KCNB2: variants seen among roughly 807,000 people sequenced by gnomAD.
KCNB2 encodes potassium voltage-gated channel subfamily B member 2.
In KCNB2, 15 loss-of-function variants were observed where a neutral mutation model predicts 61.5. The observed-to-expected ratio is 0.24, with a 90% CI of 0.16 to 0.38. KCNB2 has a LOEUF of 0.38. Among genes scored for constraint, KCNB2 ranks in the 10% least tolerant of loss-of-function variants. The pLI, the probability that KCNB2 is intolerant of heterozygous loss-of-function variation, is 1.00. For missense variants in KCNB2, 828 were observed against 1,125.2 expected (o/e 0.74, Z 3.78); for synonymous variants, 457 against 446.0 (o/e 1.02, Z -0.31).
At chr8:72,791,060 A>G (rs1245354022) in intron 2 of KCNB2, among the ~76,000 whole-genome samples, 1 of 152,224 alleles carries the variant, frequency 6.6e-6, no homozygotes, top group African/African-American at 2.4e-5. Flanking sequence ...AAGGATTTGC[A>G]TGTTCAGAGC....
intron 2 of KCNB2, among the ~76,000 whole-genome samples, chr8:72,640,626 T>C (rs1360607251): frequency 6.6e-6 from 1 of 152,074 alleles, no homozygotes; most frequent in African/African-American, 2.4e-5. Flanking sequence ...ATTTTTAAGC[T>C]TTACAAAATC....
intron 2 of KCNB2, among the ~76,000 whole-genome samples, chr8:72,761,163 T>C (rs1413570448): frequency 1.3e-5 from 2 of 152,160 alleles, no homozygotes; most frequent in Non-Finnish European, 2.9e-5. Context: ...AATATCTGAC[T>C]TACATAGTCC....
chr8:72,873,222 G>A (rs1414134418), intron 2 of KCNB2, among the ~76,000 whole-genome samples: 1 of 152,192 alleles, frequency 6.6e-6, no homozygotes, highest in African/African-American at 2.4e-5. Context: ...CTCCACTGTA[G>A]TCATTTCCTC....
chr8:72,783,843 G>C (rs766660668), intron 2 of KCNB2, among the ~76,000 whole-genome samples: 4 of 152,112 alleles, frequency 2.6e-5, no homozygotes, highest in Non-Finnish European at 5.9e-5. Context: ...TCCTGCTTCT[G>C]TGAACATGCC....
intron 2 of KCNB2, among the ~76,000 whole-genome samples, chr8:72,798,990 A>G (rs1421854639): frequency 6.6e-6 from 1 of 152,132 alleles, no homozygotes; most frequent in Non-Finnish European, 1.5e-5. Flanking sequence ...GAGCACCACC[A>G]TCTCTGGGGG....
chr8:72,808,288 TATA>T (rs1443329541), intron 2 of KCNB2, among the ~76,000 whole-genome samples: 1 of 152,188 alleles, frequency 6.6e-6, no homozygotes, highest in Non-Finnish European at 1.5e-5. Flanking sequence ...TCTAAATATA[TATA>T]ATAATCTCAT....
chr8:72,781,961 CA>C (rs144435420), intron 2 of KCNB2, among the ~76,000 whole-genome samples: 2,693 of 152,116 alleles, frequency 0.018, 72 homozygotes, highest in African/African-American at 0.061. Flanking sequence ...GAATCTGTGG[CA>C]GCTGGGGAGA....
chr8:72,707,189 C>T (rs1034755137), intron 2 of KCNB2, among the ~76,000 whole-genome samples: 1 of 152,172 alleles, frequency 6.6e-6, no homozygotes, highest in African/African-American at 2.4e-5. Flanking sequence ...TCACAACTTT[C>T]CTTATAACCG....
At position 72,910,445 on chromosome 8, in the gene KCNB2, A is replaced by T. The variant is rs117102526; in HGVS notation, c.580-25490A>T. Among the ~76,000 whole-genome samples the T allele has an allele frequency of 3.0e-3, 451 of 152,292 alleles. 4 individuals are homozygous for T. The highest frequency in any genetic ancestry group is 0.019 in the South Asian group (92 of 4,824). ...AGGAAATGGTGATAAGAGTGTAGAAAAAAACACCAACATTGAAGGGATACA... is the reference window on the plus strand; with the variant it reads ...AGGAAATGGTGATAAGAGTGTAGAATAAAACACCAACATTGAAGGGATACA... On this transcript the variant is annotated intron_variant, in intron 2 of 2. Transcript: ENST00000523207.
chr8:72,611,647 C>T (rs1275833301), intron 2 of KCNB2, among the ~76,000 whole-genome samples: 1 of 152,160 alleles, frequency 6.6e-6, no homozygotes, highest in African/African-American at 2.4e-5. Flanking sequence ...TACTGCATGG[C>T]ACACTGAGCT....
At chr8:72,705,038 A>G (rs560845296) in intron 2 of KCNB2, among the ~76,000 whole-genome samples, 1 of 152,100 alleles carries the variant, frequency 6.6e-6, no homozygotes. Context: ...TGCAGAACCC[A>G]TGGGTACAGA....
chr8:72,784,343 A>G (rs1479997887), intron 2 of KCNB2, among the ~76,000 whole-genome samples: 1 of 152,146 alleles, frequency 6.6e-6, no homozygotes, highest in African/African-American at 2.4e-5. Flanking sequence ...CCAAAGTGAG[A>G]TCAGACAGTA....
intron 2 of KCNB2, among the ~76,000 whole-genome samples, chr8:72,644,443 C>T (rs1483201049): frequency 6.6e-6 from 1 of 152,124 alleles, no homozygotes; most frequent in Non-Finnish European, 1.5e-5. Flanking sequence ...AAAATTCATT[C>T]AACTTGCAAT....
In KCNB2 at chr8:72,937,710, C is replaced by T. The variant is rs758437849; in HGVS notation, c.2355C>T (p.Ser785=). The T allele has an allele frequency of 6.2e-7, 1 of 1,613,868 alleles. No homozygotes were observed. Among genetic ancestry groups the T allele is most frequent in the East Asian group, 2.2e-5 (1 of 44,808 alleles). ...APCQGPSKGL[S]PRFPKQKLFP... is the part of the protein sequence containing the mutation. The stretch of plus-strand genomic sequence containing the variant: ...GTCAGGGACCTTCCAAAGGGCTGTC[C>T]CCCAGGTTTCCCAAGCAGAAACTGT... The change falls in exon 3 of 3, where the codon TCC becomes TCT. Residue 785 remains serine (S), a synonymous_variant. Coordinates refer to ENST00000523207, the MANE Select transcript of KCNB2 (RefSeq NM_004770.3).
chr8:72,742,224 A>G (rs1033328410), intron 2 of KCNB2, among the ~76,000 whole-genome samples: 4 of 152,186 alleles, frequency 2.6e-5, no homozygotes, highest in African/African-American at 9.6e-5. Context: ...GTATTTGTTC[A>G]CCATTGATCT....
chr8:72,811,155 C>CTTTTT (rs34236600), intron 2 of KCNB2, among the ~76,000 whole-genome samples: 2 of 140,178 alleles, frequency 1.4e-5, no homozygotes, highest in African/African-American at 2.6e-5. Flanking sequence ...GAAGGGATTT[C>CTTTTT]TTTTTTTTTT....
chr8:72,665,871 A>G (rs1351718060), intron 2 of KCNB2, among the ~76,000 whole-genome samples: 2 of 152,236 alleles, frequency 1.3e-5, no homozygotes, highest in Non-Finnish European at 2.9e-5. Context: ...AACCACAGTC[A>G]AATTTTCCCC....
chr8:72,836,810 A>T (rs1220839521), intron 2 of KCNB2, among the ~76,000 whole-genome samples: 2 of 151,970 alleles, frequency 1.3e-5, no homozygotes, highest in Non-Finnish European at 2.9e-5. Context: ...ACTTAGGGGG[A>T]TGTGGTAGGA....
At chr8:72,743,368 A>G (rs749985404) in intron 2 of KCNB2, among the ~76,000 whole-genome samples, 5 of 152,192 alleles carry the variant, frequency 3.3e-5, no homozygotes, top group Admixed American at 6.5e-5. Context: ...TGTGTGTGTC[A>G]TCTCTAACTG....
Sources: gnomAD v4.1 joint callset for allele counts (sites outside exome capture counted in the v4.1 genomes callset) on GRCh38, gnomAD v4.1.1 for gene constraint, MANE v1.5 for transcripts, NCBI Gene and HGNC (gene_info 2026-07-23, HGNC 2026-07-21) for gene names.